Variants in NR2F1-AS1 observed in about 807,000 individuals in gnomAD.
The protein encoded by NR2F1-AS1 is NR2F1 regulatory antisense RNA 1, also known as NR2F1 antisense RNA 1.
At chr5:93,545,997 A>G (rs1414980678) in intron 4 of NR2F1-AS1, among the ~76,000 whole-genome samples, 1 of 152,196 alleles carries the variant, frequency 6.6e-6, no homozygotes, top group African/African-American at 2.4e-5. Context: ...GTGGGATAGG[A>G]AAAAATCATG....
chr5:93,554,970 A>C (rs1234557252), exon 3 of NR2F1-AS1: 1 of 152,212 alleles, frequency 6.6e-6, no homozygotes, highest in African/African-American at 2.4e-5. Flanking sequence ...CATCTGCTGC[A>C]ACCTGTGATG....
chr5:93,552,134 G>T (rs546877418), intron 4 of NR2F1-AS1, among the ~76,000 whole-genome samples: 1 of 152,144 alleles, frequency 6.6e-6, no homozygotes. Context: ...CATAGTCTTT[G>T]TACTTGCCCT....
chr5:93,469,648 T>C (rs1750324527), intron 4 of NR2F1-AS1, among the ~76,000 whole-genome samples: 1 of 152,086 alleles, frequency 6.6e-6, no homozygotes, highest in Admixed American at 6.6e-5. Flanking sequence ...GCACCATGCC[T>C]TCCTTGCACA....
At chr5:93,519,908 T>C (rs189722252) in intron 4 of NR2F1-AS1, among the ~76,000 whole-genome samples, 1 of 152,056 alleles carries the variant, frequency 6.6e-6, no homozygotes, top group Non-Finnish European at 1.5e-5. Flanking sequence ...TCATCTATGA[T>C]GACTCAGTAT....
intron 4 of NR2F1-AS1, among the ~76,000 whole-genome samples, chr5:93,512,057 G>T (rs1292871100): frequency 6.6e-6 from 1 of 152,122 alleles, no homozygotes; most frequent in Non-Finnish European, 1.5e-5. Context: ...ATTTTACAGT[G>T]TGCTCCTTCA....
At position 93,456,658 on chromosome 5, in the gene NR2F1-AS1, A is replaced by AT. The variant is rs75556353; in HGVS notation, n.639-61117dup. ...ACTCAAATAATTTTTTACATTTTTA[A>AT]TTTTTTTTTTTTTTAATAGAGAAAG... is the stretch of plus-strand genomic sequence containing the variant. On this transcript the variant is annotated intron_variant and non_coding_transcript_variant, in intron 4 of 5. Coordinates refer to ENST00000660523, the Ensembl canonical transcript of NR2F1-AS1. 4.2e-3 allele frequency among the ~76,000 whole-genome samples: 611 copies of AT among 145,938 alleles called. 2 individuals carry two copies. Among genetic ancestry groups the AT allele is most frequent in the Non-Finnish European group, 6.5e-3 (427 of 65,816 alleles).
At chr5:93,489,900 C>A (rs1217141775) in intron 4 of NR2F1-AS1, among the ~76,000 whole-genome samples, 1 of 152,048 alleles carries the variant, frequency 6.6e-6, no homozygotes, top group Non-Finnish European at 1.5e-5. Flanking sequence ...CCCAGTTGCT[C>A]GTGATTTTAT....
intron 4 of NR2F1-AS1, among the ~76,000 whole-genome samples, chr5:93,539,879 T>C (rs888577563): frequency 6.6e-6 from 1 of 152,122 alleles, no homozygotes; most frequent in African/African-American, 2.4e-5. Context: ...TATATAATTA[T>C]AATGTGTCAA....
chr5:93,504,827 A>T (rs1751153384), intron 4 of NR2F1-AS1, among the ~76,000 whole-genome samples: 1 of 152,098 alleles, frequency 6.6e-6, no homozygotes, highest in South Asian at 2.1e-4. Flanking sequence ...GGGAGATACA[A>T]TTCAAGTTGA....
At chr5:93,544,774 T>C (rs1752037700) in intron 4 of NR2F1-AS1, 1 of 151,870 alleles carries the variant, frequency 6.6e-6, no homozygotes, top group African/African-American at 2.4e-5. Context: ...ATACAAAAAT[T>C]AGCTGGGCGT....
intron 4 of NR2F1-AS1, among the ~76,000 whole-genome samples, chr5:93,486,755 C>T (rs1750725629): frequency 6.6e-6 from 1 of 152,190 alleles, no homozygotes; most frequent in Non-Finnish European, 1.5e-5. Flanking sequence ...ATGATGCCAG[C>T]ATCATCCTGA....
chr5:93,521,451 G>T (rs1751499895), intron 4 of NR2F1-AS1, among the ~76,000 whole-genome samples: 1 of 152,132 alleles, frequency 6.6e-6, no homozygotes, highest in Non-Finnish European at 1.5e-5. Context: ...GAAAATATTT[G>T]CAAACTATGT....
chr5:93,457,613 T>C (rs1021084626), intron 4 of NR2F1-AS1, among the ~76,000 whole-genome samples: 1 of 152,216 alleles, frequency 6.6e-6, no homozygotes, highest in African/African-American at 2.4e-5. Context: ...ACCACCATTG[T>C]CATCATGGCT....
intron 4 of NR2F1-AS1, among the ~76,000 whole-genome samples, chr5:93,482,196 C>T (rs1379274103): frequency 6.6e-6 from 1 of 152,074 alleles, no homozygotes; most frequent in Non-Finnish European, 1.5e-5. Context: ...GTCTACAGCT[C>T]CCAGTGAGAC....
chr5:93,463,557 C>T (rs1406701236), intron 4 of NR2F1-AS1, among the ~76,000 whole-genome samples: 1 of 152,126 alleles, frequency 6.6e-6, no homozygotes, highest in African/African-American at 2.4e-5. Context: ...GGTAGATCCA[C>T]CGACAGCTTG....
At chr5:93,470,538 T>G (rs1750345124) in intron 4 of NR2F1-AS1, among the ~76,000 whole-genome samples, 1 of 151,806 alleles carries the variant, frequency 6.6e-6, no homozygotes, top group South Asian at 2.1e-4. Context: ...ATATATTACA[T>G]CTTTGTTGAA....
intron 4 of NR2F1-AS1, among the ~76,000 whole-genome samples, chr5:93,490,676 G>A (rs1750819804): frequency 6.6e-6 from 1 of 151,704 alleles, no homozygotes; most frequent in African/African-American, 2.4e-5. Context: ...TCATGGTGGT[G>A]ATGGGAGTGG....
intron 4 of NR2F1-AS1, among the ~76,000 whole-genome samples, chr5:93,524,623 T>A (rs776556117): frequency 3.3e-5 from 5 of 152,042 alleles, no homozygotes; most frequent in Non-Finnish European, 5.9e-5. Context: ...TCGGGTCACC[T>A]ATAAAGGGAA....
chr5:93,437,057 C>CT (rs1580221893), intron 4 of NR2F1-AS1, among the ~76,000 whole-genome samples: 1 of 151,470 alleles, frequency 6.6e-6, no homozygotes, highest in East Asian at 1.9e-4. Context: ...GTTAGCTATT[C>CT]TTGGTATTCA....
Sources: allele counts gnomAD v4.1 joint callset (sites outside exome capture counted in the v4.1 genomes callset), GRCh38; gene constraint gnomAD v4.1.1; transcripts MANE v1.5; gene names NCBI Gene and HGNC (gene_info 2026-07-23, HGNC 2026-07-21).